Variants in OPHN1 observed in about 807,000 individuals in gnomAD.
The protein encoded by OPHN1 is oligophrenin-1.
In OPHN1, 11 loss-of-function variants were observed where a neutral mutation model predicts 60.7. The ratio of observed to expected loss-of-function variants is 0.18; its 90% CI spans 0.11 to 0.30. OPHN1 has a LOEUF of 0.30. OPHN1 is among the 10% of genes least tolerant of loss of function. The pLI is 1.00. For synonymous variants in OPHN1, 226 were observed against 222.6 expected, an observed-to-expected ratio of 1.02 and a Z score of -0.14; for missense variants, 449 against 611.0, an observed-to-expected ratio of 0.73 and a Z score of 2.80.
chrX:68,260,145 C>CTT (rs796276683), intron 5 of OPHN1, among the ~76,000 whole-genome samples: 1 of 103,049 alleles, frequency 9.7e-6, no homozygotes, highest in African/African-American at 3.5e-5. Flanking sequence ...CTTTGTGATT[C>CTT]TTTTTTTTTT....
intron 4 of OPHN1, among the ~76,000 whole-genome samples, chrX:68,282,012 G>A: frequency 8.9e-6 from 1 of 112,135 alleles, no homozygotes; most frequent in Non-Finnish European, 1.9e-5. Context: ...TTTGGAAGTT[G>A]GTTGGCAATT....
chrX:68,266,461 T>A lies in OPHN1; in HGVS notation c.384+8277A>T, dbSNP rs188437756. On this transcript the variant is annotated intron_variant, in intron 5 of 24. Transcript: ENST00000355520. ...TGAGTAAAGGAGAAATAAAATCCTT[T>A]ACAGACAAGCAAATGCTGAGAGATT... 3.2e-4 allele frequency among the ~76,000 whole-genome samples: 35 copies of A among 110,928 alleles called. 1 individual carries two copies. The East Asian group carries it at 9.1e-3, about 29-fold the overall frequency.
chrX:68,081,795 C>A (rs1277146109), intron 19 of OPHN1, among the ~76,000 whole-genome samples: 1 of 111,140 alleles, frequency 9.0e-6, no homozygotes, highest in East Asian at 2.8e-4. Flanking sequence ...ATGGCAATTT[C>A]TTAAAAGAAG....
At chrX:68,096,180 T>C (rs1006151933) in intron 19 of OPHN1, among the ~76,000 whole-genome samples, 2 of 111,079 alleles carry the variant, frequency 1.8e-5, no homozygotes, top group African/African-American at 6.6e-5. Flanking sequence ...GTACCCTCCC[T>C]ATAACTGAAG....
At chrX:68,365,991 A>C (rs1436856158) in intron 2 of OPHN1, among the ~76,000 whole-genome samples, 3 of 109,806 alleles carry the variant, frequency 2.7e-5, no homozygotes, top group Non-Finnish European at 5.7e-5. Flanking sequence ...AAAAAAAAAA[A>C]CAAATTCCTC....
intron 15 of OPHN1, among the ~76,000 whole-genome samples, chrX:68,139,127 CAAAT>C (rs1162552316): frequency 9.0e-6 from 1 of 110,575 alleles, no homozygotes; most frequent in Non-Finnish European, 1.9e-5. Flanking sequence ...GTTATTTCCA[CAAAT>C]AAATGAAAAA....
intron 2 of OPHN1, among the ~76,000 whole-genome samples, chrX:68,314,020 GAAAT>G (rs1471444586): frequency 9.1e-6 from 1 of 110,133 alleles, no homozygotes; most frequent in Non-Finnish European, 1.9e-5. Flanking sequence ...TTTTTAAAAA[GAAAT>G]AAATGAGAGG....
intron 21 of OPHN1, among the ~76,000 whole-genome samples, chrX:68,054,583 C>A (rs1367788187): frequency 4.6e-5 from 5 of 109,606 alleles, no homozygotes; most frequent in Admixed American, 9.7e-5. Flanking sequence ...CAAAACAAAA[C>A]AAAAAAAACA....
intron 2 of OPHN1, among the ~76,000 whole-genome samples, chrX:68,357,359 G>A (rs2078446428): frequency 2.7e-5 from 3 of 111,248 alleles, no homozygotes; most frequent in Admixed American, 9.6e-5. Context: ...CCATTAACTT[G>A]TCATTTAGCA....
At chrX:68,422,841 A>C (rs890658633) in intron 2 of OPHN1, among the ~76,000 whole-genome samples, 3 of 109,576 alleles carry the variant, frequency 2.7e-5, no homozygotes, top group African/African-American at 1.0e-4. Context: ...GAAAGAGGAA[A>C]GGAAAAGAGA....
chrX:68,195,084 G>C (rs925819222), intron 12 of OPHN1, among the ~76,000 whole-genome samples: 8 of 106,196 alleles, frequency 7.5e-5, no homozygotes, highest in African/African-American at 2.7e-4. Flanking sequence ...GAAAATACTT[G>C]AACAATCCCT....
intron 15 of OPHN1, among the ~76,000 whole-genome samples, chrX:68,132,709 AT>A (rs1188160874): frequency 3.5e-4 from 36 of 103,029 alleles, no homozygotes; most frequent in Admixed American, 2.9e-3. Context: ...TTAAAAAAAA[AT>A]AATAATAAAA....
In OPHN1 at chrX:68,046,922, TCA is replaced by T. The variant is rs1275105364; in HGVS notation, c.*248_*249del. The T allele has an allele frequency of 1.8e-5, 2 of 111,498 alleles. No homozygotes were observed. The highest frequency in any genetic ancestry group is 3.8e-5 in the Non-Finnish European group (2 of 53,137). The allele number at this position is 111,498 out of a possible 1,213,427, so 9.2% of individuals were successfully genotyped here. On this transcript the variant is annotated 3_prime_UTR_variant, in exon 25 of 25. Transcript: ENST00000355520. ...GTCTGGCTTGAGGGAGTCCAGCTCTTCACAGTGTTATAGGAACTCAAAACAGA... is the reference window on the plus strand; with the variant it reads ...GTCTGGCTTGAGGGAGTCCAGCTCTTCAGTGTTATAGGAACTCAAAACAGA...
At chrX:68,190,266 T>G (rs1332586529) in intron 15 of OPHN1, among the ~76,000 whole-genome samples, 6 of 111,757 alleles carry the variant, frequency 5.4e-5, no homozygotes, top group African/African-American at 1.9e-4. Flanking sequence ...CCCACAAAGG[T>G]GGAAAACACA....
At chrX:68,268,921 A>C (rs887435351) in intron 5 of OPHN1, among the ~76,000 whole-genome samples, 1 of 111,709 alleles carries the variant, frequency 9.0e-6, no homozygotes, top group African/African-American at 3.3e-5. Context: ...ATGTGCAAAA[A>C]TCATAAGCAT....
chrX:68,263,520 T>A (rs2077905196), intron 5 of OPHN1, among the ~76,000 whole-genome samples: 1 of 112,229 alleles, frequency 8.9e-6, no homozygotes, highest in Non-Finnish European at 1.9e-5. Flanking sequence ...TGAAAGAAAA[T>A]TTTTTAGCAC....
rs2076833184 is a variant in OPHN1, at chrX:68,046,582, C to T, written c.*590G>A. 1 of 112,147 alleles carries T rather than the reference C, an allele frequency of 8.9e-6. No individual in the cohort carries two copies. The highest frequency in any genetic ancestry group is 9.4e-5 in the Admixed American group (1 of 10,626). The allele number at this position is 112,147 out of a possible 1,213,427, so 9.2% of individuals were successfully genotyped here. A position where few individuals can be genotyped will look rare whatever the true frequency, so the allele number is the denominator to read the frequency against. ...GCATCACTCATCCCACTCATAGCCT[C>T]GCAGGAGCAGACGGGCTCTTGGCAA... On this transcript the variant is annotated 3_prime_UTR_variant, in exon 25 of 25. Transcript: ENST00000355520.
At chrX:68,185,237 G>C (rs150695911) in intron 15 of OPHN1, among the ~76,000 whole-genome samples, 12 of 112,638 alleles carry the variant, frequency 1.1e-4, no homozygotes, top group Non-Finnish European at 1.5e-4. Flanking sequence ...ACATACAACA[G>C]AAACTCTGTG....
At chrX:68,356,418 A>AT (rs201605410) in intron 2 of OPHN1, among the ~76,000 whole-genome samples, 27,144 of 102,322 alleles carry the variant, frequency 0.27, 5,635 homozygotes, top group African/African-American at 0.69. Context: ...TCCTTAAAAT[A>AT]TTTTTTTTTT....
Sources: allele counts gnomAD v4.1 joint callset (sites outside exome capture counted in the v4.1 genomes callset), GRCh38; gene constraint gnomAD v4.1.1; transcripts MANE v1.5; gene names NCBI Gene and HGNC (gene_info 2026-07-23, HGNC 2026-07-21).